Variants in ZC3H7A observed in about 807,000 individuals in gnomAD.
The protein encoded by ZC3H7A is zinc finger CCCH-type containing 7A.
Under a neutral mutation model 125.5 loss-of-function variants are expected in ZC3H7A, and 44 were observed. The observed-to-expected ratio is 0.35, with a 90% CI of 0.28 to 0.45. ZC3H7A has a LOEUF of 0.45. Among genes scored for constraint, ZC3H7A ranks in the 20% least tolerant of loss-of-function variants. ZC3H7A has a pLI of 1.00. For missense variants in ZC3H7A, 977 were observed against 1,170.7 expected (o/e 0.83, Z 2.41); for synonymous variants, 399 against 391.2 (o/e 1.02, Z -0.23).
At chr16:11,771,041 C>A (rs903574992) in intron 9 of ZC3H7A, 54 bp from the exon 10 acceptor site, 2 of 1,520,600 alleles carry the variant, frequency 1.3e-6, no homozygotes, top group Non-Finnish European at 1.8e-6. Flanking sequence ...ATGGGTTTGG[C>A]TGAACTACTT....
intron 1 of ZC3H7A, among the ~76,000 whole-genome samples, chr16:11,790,079 C>CAAAA (rs150579733): frequency 3.4e-4 from 25 of 73,524 alleles, no homozygotes; most frequent in East Asian, 4.1e-4. Context: ...GACTCCATCT[C>CAAAA]AAAAAAAAAA....
rs757394748 is a variant in ZC3H7A, at chr16:11,761,526, G to A, written c.2214-15C>T. ...CTTTGGTCCACCTAAGAAAAATGGA[G>A]TTCAGAAAAAAACAAAGACACACGA... On this transcript the variant is annotated splice_polypyrimidine_tract_variant and intron_variant, in intron 18 of 22. Transcript: ENST00000355758. 4 of 1,612,670 alleles carry A rather than the reference G, an allele frequency of 2.5e-6. No homozygotes were observed. The South Asian group carries it at 3.3e-5, about 13-fold the overall frequency.
chr16:11,794,495 AC>A (rs1415975182), intron 1 of ZC3H7A, among the ~76,000 whole-genome samples: 3 of 152,108 alleles, frequency 2.0e-5, no homozygotes, highest in Non-Finnish European at 4.4e-5. Context: ...AACACCTCAC[AC>A]TTTAAGTAAT....
intron 1 of ZC3H7A, among the ~76,000 whole-genome samples, chr16:11,783,323 A>G (rs1485005827): frequency 6.6e-6 from 1 of 152,200 alleles, no homozygotes; most frequent in Non-Finnish European, 1.5e-5. Context: ...GTCAACACAT[A>G]TCATTCTTTT....
At chr16:11,754,363 TAAGTA>T (rs1382305480) in intron 21 of ZC3H7A, among the ~76,000 whole-genome samples, 1 of 144,048 alleles carries the variant, frequency 6.9e-6, no homozygotes, top group Non-Finnish European at 1.5e-5. Flanking sequence ...AAGGAGCACT[TAAGTA>T]AAGGTAGCAA....
At chr16:11,794,624 G>C (rs925248677) in intron 1 of ZC3H7A, among the ~76,000 whole-genome samples, 4 of 152,266 alleles carry the variant, frequency 2.6e-5, no homozygotes, top group Middle Eastern at 3.4e-3. Context: ...TCTCTAGAAA[G>C]CCCTTTCTAG....
chr16:11,791,393 C>A (rs920800126), intron 1 of ZC3H7A, among the ~76,000 whole-genome samples: 1 of 152,118 alleles, frequency 6.6e-6, no homozygotes, highest in Non-Finnish European at 1.5e-5. Context: ...AGAGCTGCCT[C>A]CCTTTCATCC....
rs893561321 is a variant in ZC3H7A, at chr16:11,792,817, G to T, written c.-35+4307C>A. 9.2e-5 allele frequency among the ~76,000 whole-genome samples: 14 copies of T among 152,322 alleles called. No individual in the cohort carries two copies. The East Asian group carries it at 2.7e-3, about 29-fold the overall frequency. ...TGCACATTACGTGCCAAAGACGCCT[G>T]GAGGGGAGTGAGCATCTGTCTAGGG... On this transcript the variant is annotated intron_variant, in intron 1 of 22. Transcript: ENST00000355758.
intron 1 of ZC3H7A, among the ~76,000 whole-genome samples, chr16:11,794,793 G>A (rs185757159): frequency 3.9e-5 from 6 of 152,230 alleles, no homozygotes; most frequent in Admixed American, 1.3e-4. Flanking sequence ...ACCCCAACTG[G>A]CAGGTTTTAA....
At position 11,781,408 on chromosome 16, in the gene ZC3H7A, CT is replaced by C; in HGVS notation, c.108+16del. 1 of 1,596,068 alleles carries C rather than the reference CT, an allele frequency of 6.3e-7. No individual in the cohort carries two copies. Among genetic ancestry groups the C allele is most frequent in the Non-Finnish European group, 8.6e-7 (1 of 1,167,814 alleles). Reference sequence around the variant, plus strand: ...CCACTTGCAGAGCTTTCAAGCAGACCTTCCCGGAGTCATTACCGCATATTGC... The same window carrying C: ...CCACTTGCAGAGCTTTCAAGCAGACCTCCCGGAGTCATTACCGCATATTGC... On this transcript the variant is annotated intron_variant, in intron 3 of 22. Coordinates refer to ENST00000355758, the MANE Select transcript of ZC3H7A (RefSeq NM_014153.4).
intron 1 of ZC3H7A, among the ~76,000 whole-genome samples, chr16:11,783,465 G>A (rs1374537777): frequency 1.3e-5 from 2 of 152,046 alleles, no homozygotes; most frequent in Non-Finnish European, 2.9e-5. Flanking sequence ...TGGCATTCTG[G>A]GCTAGCTAAT....
chr16:11,765,442 C>A lies in ZC3H7A; in HGVS notation c.1719+47G>T. 6.7e-7 allele frequency: 1 copy of A among 1,495,946 alleles called. No individual in the cohort carries two copies. The highest frequency in any genetic ancestry group is 1.2e-5 in the South Asian group (1 of 80,522). The allele number at this position is 1,495,946 out of a possible 1,614,324, so 92.7% of individuals were successfully genotyped here. A position where few individuals can be genotyped will look rare whatever the true frequency, so the allele number is the denominator to read the frequency against. Reference sequence around the variant, plus strand: ...CACATGGCAGGACAATACCACTGGGCTTGCAAATTCAACTTTACAGTGGAA... The same window carrying A: ...CACATGGCAGGACAATACCACTGGGATTGCAAATTCAACTTTACAGTGGAA... On this transcript the variant is annotated intron_variant, in intron 14 of 22. Transcript: ENST00000355758. The surrounding 1 kb of genome is among the most constrained non-coding windows in gnomAD (Gnocchi z 4.8).
intron 1 of ZC3H7A, among the ~76,000 whole-genome samples, chr16:11,794,037 GC>G (rs1409620111): frequency 6.6e-6 from 1 of 152,174 alleles, no homozygotes; most frequent in Non-Finnish European, 1.5e-5. Context: ...CGGCACCCAC[GC>G]CCTGCTAAGT....
At chr16:11,771,747 C>A (rs986988180) in intron 9 of ZC3H7A, among the ~76,000 whole-genome samples, 4 of 152,030 alleles carry the variant, frequency 2.6e-5, no homozygotes, top group Non-Finnish European at 5.9e-5. Context: ...GTGATCCAAC[C>A]GCCTAGAACT....
chr16:11,770,442 C>T (rs916437834), intron 10 of ZC3H7A, among the ~76,000 whole-genome samples: 1 of 152,182 alleles, frequency 6.6e-6, no homozygotes, highest in Non-Finnish European at 1.5e-5. Flanking sequence ...AATTTAATAG[C>T]ATAGCCTGTC....
In ZC3H7A at chr16:11,776,784, A is replaced by T. The variant is rs1251627766; in HGVS notation, c.432T>A (p.Asp144Glu). 2.5e-6 allele frequency: 4 copies of T among 1,612,684 alleles called. No individual in the cohort carries two copies. Among genetic ancestry groups the T allele is most frequent in the Non-Finnish European group, 3.4e-6 (4 of 1,179,588 alleles). Residue 144 changes from aspartate (D) to glutamate (E), a missense_variant, in exon 5 of 23, where the codon GAT becomes GAA. Coordinates refer to ENST00000355758, the MANE Select transcript of ZC3H7A (RefSeq NM_014153.4). ...SDLGRYKKAY[D>E]AVAKCSLAVP... ...CTGCTAAGGAGCACTTTGCTACAGC[A>T]TCGTAAGCCTTTTTGTATCTTCCTA...
At chr16:11,766,506 C>T (rs2141179636) in intron 13 of ZC3H7A, among the ~76,000 whole-genome samples, 1 of 152,338 alleles carries the variant, frequency 6.6e-6, no homozygotes, top group Middle Eastern at 3.4e-3. Flanking sequence ...GCAGAGGTTG[C>T]AGTGAGCCGA....
chr16:11,780,046 C>T (rs747198476), intron 3 of ZC3H7A, among the ~76,000 whole-genome samples: 3 of 151,932 alleles, frequency 2.0e-5, no homozygotes, highest in African/African-American at 7.3e-5. Flanking sequence ...TAAGTATACA[C>T]ATTCTTTTAG....
At chr16:11,772,308 A>C (rs2052998881) in intron 9 of ZC3H7A, among the ~76,000 whole-genome samples, 1 of 151,654 alleles carries the variant, frequency 6.6e-6, no homozygotes, top group Non-Finnish European at 1.5e-5. Flanking sequence ...AGATTGAGAC[A>C]ACCTCTCTGG....
Sources: allele counts gnomAD v4.1 joint callset (sites outside exome capture counted in the v4.1 genomes callset), GRCh38; gene constraint gnomAD v4.1.1; non-coding constraint Gnocchi (gnomAD v3.1); transcripts MANE v1.5; gene names NCBI Gene and HGNC (gene_info 2026-07-23, HGNC 2026-07-21).